The following PAM variants were observed in gnomAD, a reference collection of about 807,000 sequenced individuals.
PAM encodes peptidylglycine alpha-amidating monooxygenase, also known as peptidyl-glycine alpha-amidating monooxygenase.
A neutral mutation model predicts 122.1 loss-of-function variants in PAM; 72 were observed. The observed-to-expected ratio is 0.59, with a 90% CI of 0.49 to 0.72. The LOEUF is 0.72. Ranked by LOEUF, PAM falls within the 30% of genes least tolerant of loss-of-function variation. The pLI, the probability that PAM is intolerant of heterozygous loss-of-function variation, is 0.00. For missense variants in PAM, 1,106 were observed against 1,183.7 expected (o/e 0.93, Z 0.96); for synonymous variants, 389 against 404.4 (o/e 0.96, Z 0.46).
At chr5:102,850,363 C>T (rs1421679049) in intron 1 of PAM, among the ~76,000 whole-genome samples, 1 of 152,200 alleles carries the variant, frequency 6.6e-6, no homozygotes, top group African/African-American at 2.4e-5. Flanking sequence ...TCTTCATAAA[C>T]CCCCATCCTG....
downstream of PAM, chr5:103,029,771 TATA>T (rs1395971262): frequency 6.6e-6 from 1 of 152,384 alleles, no homozygotes; most frequent in African/African-American, 2.4e-5. Context: ...ATACAACTTT[TATA>T]ATAATTACAC....
intron 1 of PAM, among the ~76,000 whole-genome samples, chr5:102,790,936 C>G (rs1315905344): frequency 6.6e-6 from 1 of 152,072 alleles, no homozygotes; most frequent in African/African-American, 2.4e-5. Flanking sequence ...AGCCATTCTG[C>G]TGTTCTGTTC....
chr5:102,768,734 G>C (rs576957470), intron 1 of PAM, among the ~76,000 whole-genome samples: 1 of 152,124 alleles, frequency 6.6e-6, no homozygotes, highest in Non-Finnish European at 1.5e-5. Context: ...TCTGTCCATT[G>C]ATCTGTTGAT....
chr5:102,833,378 C>T (rs1775980949), intron 1 of PAM, among the ~76,000 whole-genome samples: 1 of 152,152 alleles, frequency 6.6e-6, no homozygotes, highest in South Asian at 2.1e-4. Context: ...TTGAAGATAT[C>T]TGCCTTCAAG....
chr5:102,796,725 A>G (rs1453499701), intron 1 of PAM, among the ~76,000 whole-genome samples: 2 of 152,198 alleles, frequency 1.3e-5, no homozygotes. Flanking sequence ...GAGGGAAGCT[A>G]TAAATTTCCC....
At chr5:102,917,808 CCT>C (rs1745960003) in intron 5 of PAM, among the ~76,000 whole-genome samples, 1 of 152,066 alleles carries the variant, frequency 6.6e-6, no homozygotes, top group Non-Finnish European at 1.5e-5. Flanking sequence ...TTTGTAATTG[CCT>C]CTTTCTACTG....
chr5:102,987,614 C>G (rs1333030557), intron 15 of PAM: 1 of 439,200 alleles, frequency 2.3e-6, no homozygotes, highest in Non-Finnish European at 4.5e-6. Flanking sequence ...ATGCTTGTAT[C>G]AAAATATCAC....
chr5:102,781,218 G>C (rs1297913820), intron 1 of PAM, among the ~76,000 whole-genome samples: 1 of 151,964 alleles, frequency 6.6e-6, no homozygotes, highest in African/African-American at 2.4e-5. Flanking sequence ...TCATTTTTTT[G>C]GGTCATTTAA....
At chr5:102,764,746 TA>T (rs1753382583) in intron 1 of PAM, among the ~76,000 whole-genome samples, 1 of 152,206 alleles carries the variant, frequency 6.6e-6, no homozygotes, top group Admixed American at 6.5e-5. Context: ...ACACAGCTAC[TA>T]GAACAGCTTC....
intron 1 of PAM, among the ~76,000 whole-genome samples, chr5:102,848,036 C>A (rs942033799): frequency 3.3e-5 from 5 of 152,256 alleles, no homozygotes; most frequent in African/African-American, 1.2e-4. Flanking sequence ...CTGGGATTTG[C>A]AGAATATATA....
intron 1 of PAM, among the ~76,000 whole-genome samples, chr5:102,842,005 A>T (rs1778772274): frequency 6.6e-6 from 1 of 152,142 alleles, no homozygotes; most frequent in Non-Finnish European, 1.5e-5. Flanking sequence ...TAACTGAAAA[A>T]TGAAAGTTTC....
intron 15 of PAM, among the ~76,000 whole-genome samples, chr5:102,989,256 C>A (rs1298136053): frequency 6.6e-6 from 1 of 152,154 alleles, no homozygotes; most frequent in South Asian, 2.1e-4. Context: ...ATAATCCCCA[C>A]ACTTTGGGAG....
intron 1 of PAM, among the ~76,000 whole-genome samples, chr5:102,842,291 C>T (rs1363818169): frequency 6.6e-6 from 1 of 151,136 alleles, no homozygotes; most frequent in Non-Finnish European, 1.5e-5. Flanking sequence ...TGGCTATGTC[C>T]CCACCCAAAT....
intron 21 of PAM, among the ~76,000 whole-genome samples, chr5:103,013,236 A>G (rs1440911450): frequency 2.0e-5 from 3 of 151,894 alleles, no homozygotes; most frequent in Non-Finnish European, 4.4e-5. Context: ...TGTCCTCTTC[A>G]GTTTTTTTCA....
chr5:102,976,014 A>AAT (rs1767533972), intron 15 of PAM, among the ~76,000 whole-genome samples: 1 of 152,120 alleles, frequency 6.6e-6, no homozygotes, highest in South Asian at 2.1e-4. Flanking sequence ...GTACTTGGCA[A>AAT]ATATCCTCAT....
chr5:102,802,790 C>T (rs78758721), intron 1 of PAM, among the ~76,000 whole-genome samples: 4,010 of 152,072 alleles, frequency 0.026, 104 homozygotes, highest in East Asian at 0.14. Flanking sequence ...TGATAACTAC[C>T]GTTTATGGAG....
chr5:102,840,186 A>G (rs948365074), intron 1 of PAM, among the ~76,000 whole-genome samples: 5 of 152,198 alleles, frequency 3.3e-5, no homozygotes, highest in Non-Finnish European at 2.9e-5. Context: ...AGAAACACCT[A>G]TGCAAACTAA....
chr5:102,872,751 T>C (rs561922002), intron 3 of PAM, among the ~76,000 whole-genome samples: 1 of 152,348 alleles, frequency 6.6e-6, no homozygotes, highest in South Asian at 2.1e-4. Context: ...AATTAGACTT[T>C]GTATGTATGT....
intron 7 of PAM, among the ~76,000 whole-genome samples, chr5:102,931,807 A>ACTCTCT (rs60775669): frequency 1.3e-3 from 185 of 141,432 alleles, no homozygotes; most frequent in Middle Eastern, 4.0e-3. Context: ...CAAACAACAC[A>ACTCTCT]CTCTCTCTCT....
Sources: gnomAD v4.1 joint callset for allele counts (sites outside exome capture counted in the v4.1 genomes callset) on GRCh38, gnomAD v4.1.1 for gene constraint, MANE v1.5 for transcripts, NCBI Gene and HGNC (gene_info 2026-07-23, HGNC 2026-07-21) for gene names.